The following TRAPPC9 variants were observed in gnomAD, a reference collection of about 807,000 sequenced individuals.
TRAPPC9 encodes IKK2 binding protein.
TRAPPC9 carries 83 observed loss-of-function variants against 124.0 expected under a neutral mutation model. That is an observed-to-expected ratio of 0.67 (90% CI 0.56 to 0.80). The LOEUF (loss-of-function observed/expected upper bound fraction) is 0.80. TRAPPC9 is among the 30% of genes least tolerant of loss of function. The pLI is 0.00. For synonymous variants in TRAPPC9, 638 were observed against 617.5 expected, an observed-to-expected ratio of 1.03 and a Z score of -0.49; for missense variants, 1,302 against 1,508.3, an observed-to-expected ratio of 0.86 and a Z score of 2.27.
At chr8:140,215,091 A>G (rs2063158965) in intron 17 of TRAPPC9, among the ~76,000 whole-genome samples, 1 of 152,174 alleles carries the variant, frequency 6.6e-6, no homozygotes, top group African/African-American at 2.4e-5. Context: ...TCCGGTCCCC[A>G]GAGAGGCTCA....
intron 17 of TRAPPC9, among the ~76,000 whole-genome samples, chr8:140,119,444 C>A (rs997567662): frequency 2.6e-5 from 4 of 152,212 alleles, no homozygotes; most frequent in African/African-American, 4.8e-5. Flanking sequence ...ATCCTCACTC[C>A]ACGCCTCACC....
chr8:140,330,197 C>T (rs1351869245), intron 9 of TRAPPC9, among the ~76,000 whole-genome samples: 1 of 151,676 alleles, frequency 6.6e-6, no homozygotes, highest in Non-Finnish European at 1.5e-5. Flanking sequence ...GCCACTCCAA[C>T]ATGTCCAGCA....
intron 20 of TRAPPC9, among the ~76,000 whole-genome samples, chr8:139,889,758 G>A (rs1007061222): frequency 2.6e-5 from 4 of 152,180 alleles, no homozygotes; most frequent in African/African-American, 7.2e-5. Context: ...GCAGGGTAGC[G>A]GCATCTGAGC....
intron 17 of TRAPPC9, among the ~76,000 whole-genome samples, chr8:140,070,321 T>G (rs1297684902): frequency 1.3e-5 from 2 of 152,220 alleles, no homozygotes; most frequent in Non-Finnish European, 2.9e-5. Context: ...ACATGCAGCC[T>G]TCTTAAGACA....
chr8:139,864,360 G>T (rs1828381420), intron 21 of TRAPPC9, among the ~76,000 whole-genome samples: 1 of 152,246 alleles, frequency 6.6e-6, no homozygotes, highest in African/African-American at 2.4e-5. Context: ...CAAGATGAAG[G>T]CGCCAGGGGT....
intron 21 of TRAPPC9, among the ~76,000 whole-genome samples, chr8:139,822,838 A>G (rs1374069990): frequency 6.6e-6 from 1 of 152,210 alleles, no homozygotes; most frequent in African/African-American, 2.4e-5. Context: ...CAACTGTCAC[A>G]ATGTGTCACC....
At chr8:140,348,752 A>T (rs930778408) in intron 9 of TRAPPC9, among the ~76,000 whole-genome samples, 1 of 152,182 alleles carries the variant, frequency 6.6e-6, no homozygotes, top group Non-Finnish European at 1.5e-5. Context: ...ATAGGTGCAC[A>T]TATCTGTGAA....
At chr8:139,748,233 T>TAC (rs1324224250) in intron 21 of TRAPPC9, among the ~76,000 whole-genome samples, 21 of 38,308 alleles carry the variant, frequency 5.5e-4, no homozygotes, top group Non-Finnish European at 4.2e-4. Context: ...GCAGGGGGTA[T>TAC]ACACAGCAGG....
Position 139,872,406 on chromosome 8 carries a change from G to T in TRAPPC9, c.3055+13473C>A, listed in dbSNP as rs78218206. Among the ~76,000 whole-genome samples the T allele has an allele frequency of 2.4e-3, 356 of 145,644 alleles. 6 individuals carry two copies. Among genetic ancestry groups the T allele is most frequent in the African/African-American group, 8.6e-3 (344 of 40,176 alleles). The stretch of plus-strand genomic sequence containing the variant: ...TAAGTGGGTGGATGGATGGATGGAT[G>T]GATGGATGGATGGATGGATGGGCTG... On this transcript the variant is annotated intron_variant, in intron 21 of 22. Transcript: ENST00000438773.
chr8:140,267,874 G>GC (rs1212020569), intron 15 of TRAPPC9, among the ~76,000 whole-genome samples: 3 of 152,074 alleles, frequency 2.0e-5, no homozygotes, highest in Non-Finnish European at 2.9e-5. Flanking sequence ...CACCATATTG[G>GC]CCAGGCTGGT....
chr8:139,981,082 A>ATTGCT (rs1177403925), intron 19 of TRAPPC9, among the ~76,000 whole-genome samples: 2 of 152,202 alleles, frequency 1.3e-5, no homozygotes. Context: ...CTCGAATCCA[A>ATTGCT]TTGCTTCTCC....
intron 21 of TRAPPC9, among the ~76,000 whole-genome samples, chr8:139,826,503 T>G (rs953313047): frequency 1.2e-4 from 18 of 151,878 alleles, no homozygotes; most frequent in Non-Finnish European, 1.0e-4. Flanking sequence ...CCCCTGTGAG[T>G]GGCACCAAAT....
Position 140,456,901 on chromosome 8 carries a change from C to T in TRAPPC9, c.-11+738G>A, listed in dbSNP as rs2071686472. 4 of 935,714 alleles carry T rather than the reference C, an allele frequency of 4.3e-6. No homozygotes were observed. The South Asian group carries it at 2.0e-4, about 46-fold the overall frequency. The allele number at this position is 935,714 out of a possible 1,614,324, so 58.0% of individuals were successfully genotyped here. A position where few individuals can be genotyped will look rare whatever the true frequency, so the allele number is the denominator to read the frequency against. Reference sequence around the variant, plus strand: ...CACGGGAAAACTTTCGGTTAACAGACATTCACGTTGGGAAGGTCTGCAGGG... The same window carrying T: ...CACGGGAAAACTTTCGGTTAACAGATATTCACGTTGGGAAGGTCTGCAGGG... On this transcript the variant is annotated intron_variant, in intron 1 of 22. Transcript: ENST00000438773.
intron 19 of TRAPPC9, among the ~76,000 whole-genome samples, chr8:139,929,569 T>C (rs1028796645): frequency 3.3e-5 from 5 of 152,160 alleles, no homozygotes; most frequent in Admixed American, 3.3e-4. Context: ...CCTCAGTTCT[T>C]GGCTTTGGTT....
At chr8:140,402,890 T>A (rs1286436347) in intron 6 of TRAPPC9, among the ~76,000 whole-genome samples, 1 of 152,068 alleles carries the variant, frequency 6.6e-6, no homozygotes, top group Non-Finnish European at 1.5e-5. Flanking sequence ...GGTGCGACAA[T>A]GAGGTAATGA....
intron 15 of TRAPPC9, among the ~76,000 whole-genome samples, chr8:140,266,675 G>A (rs547347494): frequency 6.6e-6 from 1 of 151,906 alleles, no homozygotes; most frequent in Non-Finnish European, 1.5e-5. Context: ...TGGCTAACAT[G>A]GTGCAAACCC....
At chr8:139,785,509 C>T (rs1436514552) in intron 21 of TRAPPC9, among the ~76,000 whole-genome samples, 2 of 151,224 alleles carry the variant, frequency 1.3e-5, no homozygotes, top group African/African-American at 4.9e-5. Flanking sequence ...ACTAGCCTGG[C>T]CAACATGGTG....
At chr8:140,048,159 G>T (rs1841741961) in intron 17 of TRAPPC9, among the ~76,000 whole-genome samples, 1 of 152,248 alleles carries the variant, frequency 6.6e-6, no homozygotes, top group Admixed American at 6.5e-5. Flanking sequence ...ACTAACAGCT[G>T]TGGGTCCCTG....
At chr8:139,833,000 AGGGTTC>A (rs917028021) in intron 21 of TRAPPC9, among the ~76,000 whole-genome samples, 3 of 152,258 alleles carry the variant, frequency 2.0e-5, no homozygotes, top group African/African-American at 7.2e-5. Context: ...AAGCATGAGA[AGGGTTC>A]AACACCCCAC....
Sources: allele counts gnomAD v4.1 joint callset (sites outside exome capture counted in the v4.1 genomes callset), GRCh38; gene constraint gnomAD v4.1.1; transcripts MANE v1.5; gene names NCBI Gene and HGNC (gene_info 2026-07-23, HGNC 2026-07-21).